The following CCNY variants were observed in gnomAD, a reference collection of about 807,000 sequenced individuals.
CCNY encodes the protein cyclin Y.
A neutral mutation model predicts 42.8 loss-of-function variants in CCNY; 19 were observed. That is an observed-to-expected ratio of 0.44 (90% CI 0.31 to 0.65). The LOEUF (loss-of-function observed/expected upper bound fraction) is 0.65, where lower values mean the gene tolerates loss of function less well. CCNY is among the 30% of genes least tolerant of loss of function. CCNY has a pLI of 0.07. For missense variants in CCNY, 370 were observed against 437.3 expected (o/e 0.85, Z 1.37); for synonymous variants, 165 against 162.7 (o/e 1.01, Z -0.11).
At chr10:35,448,522 T>C (rs1158384835) in intron 1 of CCNY, among the ~76,000 whole-genome samples, 1 of 152,170 alleles carries the variant, frequency 6.6e-6, no homozygotes, top group Admixed American at 6.5e-5. Flanking sequence ...GTGCCTGCCA[T>C]GTAACTACTA....
chr10:35,275,491 C>T lies in CCNY; in HGVS notation c.-9+24865C>T, dbSNP rs930372529. Among the ~76,000 whole-genome samples, 17 of 150,142 alleles carry T rather than the reference C, an allele frequency of 1.1e-4. No individual in the cohort carries two copies. The East Asian group carries it at 2.5e-3, about 22-fold the overall frequency. ...AAGAGTGTGTCCAGTCGGCTGGGCG[C>T]GGTGGCTCACACCTGTAATCCCAGC... is the stretch of plus-strand genomic sequence containing the variant. On this transcript the variant is annotated intron_variant, in intron 3 of 11. Transcript: ENST00000374706.
intron 4 of CCNY, among the ~76,000 whole-genome samples, chr10:35,518,143 TAAAATTG>T (rs1426618403): frequency 6.6e-6 from 1 of 152,190 alleles, no homozygotes; most frequent in Non-Finnish European, 1.5e-5. Context: ...TTGGACCACT[TAAAATTG>T]CCACTGGCTG....
chr10:35,433,388 GTTTCT>G (rs1471548785), intron 1 of CCNY, among the ~76,000 whole-genome samples: 2 of 151,898 alleles, frequency 1.3e-5, no homozygotes, highest in Non-Finnish European at 2.9e-5. Flanking sequence ...CTATTTTGGG[GTTTCT>G]TTTCATACCT....
chr10:35,321,986 G>A (rs1835827191), intron 3 of CCNY, among the ~76,000 whole-genome samples: 1 of 152,130 alleles, frequency 6.6e-6, no homozygotes, highest in Admixed American at 6.6e-5. Context: ...TATCCATATG[G>A]GAAAAAATGA....
chr10:35,455,837 A>G (rs947203405), intron 1 of CCNY, among the ~76,000 whole-genome samples: 2 of 148,474 alleles, frequency 1.3e-5, no homozygotes, highest in African/African-American at 5.0e-5. Context: ...AAAAAAGAAA[A>G]AGACAGGGTC....
rs1840112957 is a variant in CCNY, at chr10:35,501,662, C to A, written c.264+127C>A. On this transcript the variant is annotated intron_variant, in intron 3 of 9. Transcript: ENST00000374704. Reference sequence around the variant, plus strand: ...ATACTTGGAAGAATGTTGCAGTGTACTTATGCTTAGTTTGGTTTGTAATTG... The same window carrying A: ...ATACTTGGAAGAATGTTGCAGTGTAATTATGCTTAGTTTGGTTTGTAATTG... The A allele has an allele frequency of 3.7e-6, 3 of 821,352 alleles. No homozygotes were observed. In the South Asian group the frequency reaches 4.4e-5, roughly 12 times the overall value. 50.9% of individuals were successfully genotyped at this position (821,352 alleles called of 1,614,324 possible).
chr10:35,441,456 T>C (rs1014058133), intron 1 of CCNY, among the ~76,000 whole-genome samples: 1 of 152,204 alleles, frequency 6.6e-6, no homozygotes, highest in Non-Finnish European at 1.5e-5. Flanking sequence ...GCTTAGCAAT[T>C]GGGCTTTTCA....
chr10:35,368,804 T>A (rs1469790891), intron 1 of CCNY, among the ~76,000 whole-genome samples: 1 of 138,736 alleles, frequency 7.2e-6, no homozygotes, highest in Admixed American at 7.1e-5. Flanking sequence ...CAGAGATAGA[T>A]CCTCAAAGGG....
At chr10:35,283,668 G>T (rs946152003) in intron 3 of CCNY, among the ~76,000 whole-genome samples, 23 of 152,204 alleles carry the variant, frequency 1.5e-4, no homozygotes, top group Non-Finnish European at 7.3e-5. Context: ...CTCCCTAAGT[G>T]CTGGGATTAC....
chr10:35,566,368 G>T, intron 9 of CCNY, 183 bp downstream of exon 9: 3 of 663,606 alleles, frequency 4.5e-6, no homozygotes, highest in Non-Finnish European at 4.9e-6. Context: ...TCTTTGAGAC[G>T]GAGTCTCGCT....
At chr10:35,365,520 T>G (rs1207302387) in intron 1 of CCNY, among the ~76,000 whole-genome samples, 1 of 152,230 alleles carries the variant, frequency 6.6e-6, no homozygotes, top group Non-Finnish European at 1.5e-5. Flanking sequence ...AAGTTCTCAT[T>G]TATTTGTATG....
chr10:35,541,075 T>C lies in CCNY; in HGVS notation c.579+10832T>C, dbSNP rs115172415. Among the ~76,000 whole-genome samples the C allele has an allele frequency of 6.8e-3, 1,032 of 152,216 alleles. 11 individuals carry two copies. Among genetic ancestry groups the C allele is most frequent in the African/African-American group, 0.024 (986 of 41,578 alleles). ...TTACTTTGGTTTCAGTTTGCTCTTC[T>C]AGTTGCTTAATGTGGAAAGTTAGGT... On this transcript the variant is annotated intron_variant, in intron 7 of 9. Coordinates refer to ENST00000374704, the MANE Select transcript of CCNY (RefSeq NM_145012.6).
chr10:35,348,335 G>C (rs576104774), intron 1 of CCNY, among the ~76,000 whole-genome samples: 1 of 152,326 alleles, frequency 6.6e-6, no homozygotes, highest in East Asian at 1.9e-4. Context: ...TAGCAACCTT[G>C]CTGTTCAGAA....
At chr10:35,270,926 C>T (rs1565059238) in intron 3 of CCNY, among the ~76,000 whole-genome samples, 1 of 151,818 alleles carries the variant, frequency 6.6e-6, no homozygotes, top group Non-Finnish European at 1.5e-5. Flanking sequence ...GGGGCTTCAC[C>T]GTGTTAGCCG....
intron 1 of CCNY, among the ~76,000 whole-genome samples, chr10:35,379,568 T>G (rs1355999369): frequency 6.6e-6 from 1 of 152,250 alleles, no homozygotes. Context: ...CTTGTTGACT[T>G]AGCTGAAGTC....
chr10:35,568,704 G>T (rs1841621765), intron 9 of CCNY, among the ~76,000 whole-genome samples: 1 of 152,226 alleles, frequency 6.6e-6, no homozygotes, highest in Non-Finnish European at 1.5e-5. Flanking sequence ...CCGCTTGCAG[G>T]TGAGGACGCC....
intron 7 of CCNY, among the ~76,000 whole-genome samples, chr10:35,533,190 A>G (rs974819017): frequency 1.3e-5 from 2 of 151,882 alleles, no homozygotes; most frequent in Admixed American, 6.6e-5. Flanking sequence ...CTCCTCTTTC[A>G]GTTTTGGAGA....
intron 8 of CCNY, among the ~76,000 whole-genome samples, chr10:35,565,698 G>T (rs1045622178): frequency 2.6e-5 from 4 of 152,214 alleles, no homozygotes; most frequent in African/African-American, 9.6e-5. Context: ...CTTGGCTGCT[G>T]CATCCACCCT....
In CCNY at chr10:35,360,450, C is replaced by T. The variant is rs565055208; in HGVS notation, c.154+23243C>T. ...CACAGGCATGCACCACCATGCCCAG[C>T]TGATTTTTTTTTGTAGCTATGGGGT... On this transcript the variant is annotated intron_variant, in intron 1 of 9. Transcript: ENST00000374704. Among the ~76,000 whole-genome samples, 5 of 151,978 alleles carry T rather than the reference C, an allele frequency of 3.3e-5. No individual in the cohort carries two copies. In the East Asian group the frequency reaches 7.8e-4, roughly 24 times the overall value.
Sources: allele counts gnomAD v4.1 joint callset (sites outside exome capture counted in the v4.1 genomes callset), GRCh38; gene constraint gnomAD v4.1.1; transcripts MANE v1.5; gene names NCBI Gene and HGNC (gene_info 2026-07-23, HGNC 2026-07-21).